Variants in WDFY2 observed in about 807,000 individuals in gnomAD.
WDFY2 encodes the protein WD repeat and FYVE domain-containing protein 2.
Under a neutral mutation model 56.4 loss-of-function variants are expected in WDFY2, and 36 were observed. The ratio of observed to expected loss-of-function variants is 0.64; its 90% CI spans 0.49 to 0.84. The LOEUF (loss-of-function observed/expected upper bound fraction) is 0.84, where lower values mean the gene tolerates loss of function less well. Ranked by LOEUF, WDFY2 falls within the 40% of genes least tolerant of loss-of-function variation. WDFY2 has a pLI of 0.00. For synonymous variants in WDFY2, 176 were observed against 183.7 expected, an observed-to-expected ratio of 0.96 and a Z score of 0.34; for missense variants, 444 against 512.2, an observed-to-expected ratio of 0.87 and a Z score of 1.29.
chr13:51,716,633 CAG>C (rs1952355524), intron 4 of WDFY2, among the ~76,000 whole-genome samples: 1 of 138,562 alleles, frequency 7.2e-6, no homozygotes, highest in South Asian at 2.3e-4. Context: ...GCGGAGCTTG[CAG>C]TGAGCCGAGA....
chr13:51,714,876 G>C (rs1011467075), intron 4 of WDFY2, among the ~76,000 whole-genome samples: 23 of 152,164 alleles, frequency 1.5e-4, no homozygotes, highest in Admixed American at 5.2e-4. Flanking sequence ...TGGGCTAGAG[G>C]GTATAGCCTG....
intron 1 of WDFY2, among the ~76,000 whole-genome samples, chr13:51,616,830 A>T (rs1250596177): frequency 2.6e-5 from 4 of 152,244 alleles, no homozygotes; most frequent in Non-Finnish European, 5.9e-5. Context: ...TACCATATGT[A>T]AAGCTTTTAG....
At position 51,690,376 on chromosome 13, in the gene WDFY2, T is replaced by C. The variant is rs1263493734; in HGVS notation, c.280-13220T>C. On this transcript the variant is annotated intron_variant, in intron 3 of 11. Coordinates refer to ENST00000298125, the MANE Select transcript of WDFY2 (RefSeq NM_052950.4). ...CCACCCCATAACAGTCCCCAGAGTGTGATATTCCCCTTCCTGTGTCCATGT... is the reference window on the plus strand; with the variant it reads ...CCACCCCATAACAGTCCCCAGAGTGCGATATTCCCCTTCCTGTGTCCATGT... Among the ~76,000 whole-genome samples the C allele has an allele frequency of 2.4e-5, 3 of 123,378 alleles. No homozygotes were observed. In the East Asian group the frequency reaches 7.7e-4, roughly 32 times the overall value. The allele number at this position is 123,378 out of a possible 152,430, so 80.9% of individuals were successfully genotyped here. A position where few individuals can be genotyped will look rare whatever the true frequency, so the allele number is the denominator to read the frequency against.
At chr13:51,693,340 A>G (rs1951787678) in intron 3 of WDFY2, among the ~76,000 whole-genome samples, 1 of 151,480 alleles carries the variant, frequency 6.6e-6, no homozygotes, top group Admixed American at 6.6e-5. Flanking sequence ...ATTTCCCTCT[A>G]CACACTGCTT....
At chr13:51,642,177 C>G (rs1424953607) in intron 1 of WDFY2, among the ~76,000 whole-genome samples, 1 of 152,160 alleles carries the variant, frequency 6.6e-6, no homozygotes, top group East Asian at 1.9e-4. Context: ...ATCTTTGTCT[C>G]TGTGAATACC....
At chr13:51,633,944 G>A (rs918926744) in intron 1 of WDFY2, among the ~76,000 whole-genome samples, 1 of 152,122 alleles carries the variant, frequency 6.6e-6, no homozygotes, top group African/African-American at 2.4e-5. Context: ...CACTATTTTA[G>A]TCTTTCTTCA....
chr13:51,653,586 C>T (rs1369020487), intron 1 of WDFY2, among the ~76,000 whole-genome samples: 2 of 152,156 alleles, frequency 1.3e-5, no homozygotes, highest in African/African-American at 4.8e-5. Context: ...TTTTGGTGTG[C>T]ATGTCCTTTC....
intron 8 of WDFY2, among the ~76,000 whole-genome samples, chr13:51,754,724 A>G (rs1294449434): frequency 2.0e-5 from 3 of 152,158 alleles, no homozygotes; most frequent in Non-Finnish European, 2.9e-5. Context: ...GGTTCTTTGT[A>G]TACAGTAATT....
intron 1 of WDFY2, chr13:51,592,314 C>T (rs1308573106): frequency 6.6e-6 from 1 of 152,124 alleles, no homozygotes; most frequent in Non-Finnish European, 1.5e-5. Flanking sequence ...GTGGCTCACG[C>T]CTGTAATCCC....
chr13:51,687,236 T>C (rs1203442656), intron 3 of WDFY2, among the ~76,000 whole-genome samples: 1 of 151,908 alleles, frequency 6.6e-6, no homozygotes, highest in Non-Finnish European at 1.5e-5. Flanking sequence ...CCAGGCAGTG[T>C]TCTAGGTACT....
At chr13:51,622,731 C>T (rs1375106823) in intron 1 of WDFY2, among the ~76,000 whole-genome samples, 1 of 151,666 alleles carries the variant, frequency 6.6e-6, no homozygotes, top group Non-Finnish European at 1.5e-5. Context: ...AAAAAGTTCA[C>T]AATTCAGTCA....
At chr13:51,623,636 C>G (rs150203267) in intron 1 of WDFY2, among the ~76,000 whole-genome samples, 96 of 152,186 alleles carry the variant, frequency 6.3e-4, no homozygotes, top group African/African-American at 2.3e-3. Context: ...GTGGTTTAAT[C>G]TTTCAGACCT....
At chr13:51,688,231 A>AT (rs1956094087) in intron 3 of WDFY2, among the ~76,000 whole-genome samples, 1 of 152,174 alleles carries the variant, frequency 6.6e-6, no homozygotes, top group African/African-American at 2.4e-5. Flanking sequence ...CTTGGGTAAC[A>AT]GGGATCATGA....
chr13:51,717,033 A>T (rs889967496), intron 4 of WDFY2, among the ~76,000 whole-genome samples: 2 of 152,296 alleles, frequency 1.3e-5, no homozygotes, highest in Admixed American at 1.3e-4. Flanking sequence ...TCTTCAATAA[A>T]GAAATATCTA....
chr13:51,627,631 G>T (rs1001018119), intron 1 of WDFY2, among the ~76,000 whole-genome samples: 1 of 152,038 alleles, frequency 6.6e-6, no homozygotes, highest in Non-Finnish European at 1.5e-5. Context: ...TGGTCCGCCC[G>T]CTTTGGCCTC....
rs1457986045 is a variant in WDFY2 at position 51,691,414 on chromosome 13, T to C, written c.280-12182T>C. Among the ~76,000 whole-genome samples the C allele has an allele frequency of 2.0e-5, 3 of 150,076 alleles. No individual in the cohort carries two copies. In the East Asian group the frequency reaches 5.8e-4, roughly 29 times the overall value. Reference sequence around the variant, plus strand: ...GGATCCAGTTTCAGCTTTCTACATATGGCTAGCCAGTTTTCCCAGCACCAT... The same window carrying C: ...GGATCCAGTTTCAGCTTTCTACATACGGCTAGCCAGTTTTCCCAGCACCAT... On this transcript the variant is annotated intron_variant, in intron 3 of 11. Transcript: ENST00000298125.
chr13:51,714,205 ATTCCT>A (rs1952292110), intron 4 of WDFY2, among the ~76,000 whole-genome samples: 2 of 151,282 alleles, frequency 1.3e-5, no homozygotes, highest in Admixed American at 1.3e-4. Flanking sequence ...ATAAATATTA[ATTCCT>A]TTCAAAAAAA....
intron 3 of WDFY2, among the ~76,000 whole-genome samples, chr13:51,681,560 C>G (rs1036817168): frequency 6.6e-6 from 1 of 152,094 alleles, no homozygotes; most frequent in Non-Finnish European, 1.5e-5. Context: ...ATTTCTGAGT[C>G]ATTTTATCAT....
chr13:51,714,013 A>G lies in WDFY2; in HGVS notation c.335-5185A>G, dbSNP rs1952287203. 2.6e-5 allele frequency among the ~76,000 whole-genome samples: 4 copies of G among 152,118 alleles called. No individual in the cohort carries two copies. The South Asian group carries it at 8.3e-4, about 32-fold the overall frequency. On this transcript the variant is annotated intron_variant, in intron 4 of 11. Coordinates refer to ENST00000298125, the MANE Select transcript of WDFY2 (RefSeq NM_052950.4). Reference sequence around the variant, plus strand: ...TAAAGAGTTTCAGTTTGGGAAGGTGAGAAAGTTCTAGAGAGTGAAAGGTGG... The same window carrying G: ...TAAAGAGTTTCAGTTTGGGAAGGTGGGAAAGTTCTAGAGAGTGAAAGGTGG...
Sources: allele counts gnomAD v4.1 joint callset (sites outside exome capture counted in the v4.1 genomes callset), GRCh38; gene constraint gnomAD v4.1.1; transcripts MANE v1.5; gene names NCBI Gene and HGNC (gene_info 2026-07-23, HGNC 2026-07-21).